Variants in ACSS3 observed in about 807,000 individuals in gnomAD.
ACSS3 encodes the protein acyl-CoA synthetase short chain family member 3, also known as acyl-CoA synthetase short-chain family member 3, mitochondrial.
Under a neutral mutation model 84.2 loss-of-function variants are expected in ACSS3, and 64 were observed. That is an observed-to-expected ratio of 0.76 (90% confidence interval 0.62 to 0.94). The LOEUF (loss-of-function observed/expected upper bound fraction) is 0.94, where lower values mean the gene tolerates loss of function less well. Among genes scored for constraint, ACSS3 ranks in the 40% least tolerant of loss-of-function variants. The probability of loss-of-function intolerance (pLI) is 0.00; values close to 1 mark genes in which losing one functional copy is unlikely to be tolerated. For synonymous variants in ACSS3, 317 were observed against 310.1 expected, an observed-to-expected ratio of 1.02 and a Z score of -0.23; for missense variants, 815 against 867.6, an observed-to-expected ratio of 0.94 and a Z score of 0.76.
chr12:81,221,969 C>G (rs1184208837), intron 11 of ACSS3, among the ~76,000 whole-genome samples: 3 of 152,026 alleles, frequency 2.0e-5, no homozygotes, highest in South Asian at 2.1e-4. Context: ...TTTTGTCACT[C>G]TAATTATGGG....
At chr12:81,128,620 G>C (rs1451754069) in intron 2 of ACSS3, among the ~76,000 whole-genome samples, 1 of 152,124 alleles carries the variant, frequency 6.6e-6, no homozygotes, top group Admixed American at 6.6e-5. Flanking sequence ...AATGTGAATT[G>C]GGTGAACGGC....
intron 11 of ACSS3, among the ~76,000 whole-genome samples, chr12:81,230,509 C>A (rs1273305646): frequency 6.6e-6 from 1 of 151,568 alleles, no homozygotes; most frequent in Non-Finnish European, 1.5e-5. Context: ...AGTGAGAAAT[C>A]GCATAAGTCT....
chr12:81,142,852 A>G (rs1886157751), intron 4 of ACSS3, among the ~76,000 whole-genome samples: 2 of 152,236 alleles, frequency 1.3e-5, no homozygotes, highest in South Asian at 4.1e-4. Flanking sequence ...CTGAATTTCT[A>G]AAGGATATCT....
chr12:81,102,043 A>ACG (rs916793595), intron 1 of ACSS3, among the ~76,000 whole-genome samples: 6 of 41,664 alleles, frequency 1.4e-4, no homozygotes, highest in South Asian at 1.5e-3. Flanking sequence ...TTTTATGCAC[A>ACG]CGCACACACA....
chr12:81,222,283 A>G (rs1306729420), intron 11 of ACSS3, among the ~76,000 whole-genome samples: 2 of 152,098 alleles, frequency 1.3e-5, no homozygotes, highest in Admixed American at 6.6e-5. Context: ...GAAACTAGAT[A>G]TTTGAATATA....
intron 9 of ACSS3, among the ~76,000 whole-genome samples, chr12:81,207,430 T>C (rs529809119): frequency 6.6e-6 from 1 of 152,256 alleles, no homozygotes; most frequent in African/African-American, 2.4e-5. Context: ...TACATCCCAA[T>C]TCAGCCACTT....
intron 7 of ACSS3, among the ~76,000 whole-genome samples, chr12:81,166,153 C>T (rs1046893902): frequency 3.3e-5 from 5 of 152,046 alleles, no homozygotes; most frequent in African/African-American, 1.2e-4. Flanking sequence ...TCCAATTGGA[C>T]TTGGATTGTT....
chr12:81,198,593 GAA>G (rs199979349), intron 8 of ACSS3, among the ~76,000 whole-genome samples: 8 of 134,836 alleles, frequency 5.9e-5, no homozygotes, highest in East Asian at 2.1e-4. Context: ...ATTTGAAAAT[GAA>G]AAAAAAAAAA....
At chr12:81,134,654 T>C (rs1885692188) in intron 2 of ACSS3, 162 bp from the exon 3 acceptor site, 1 of 492,994 alleles carries the variant, frequency 2.0e-6, no homozygotes, top group South Asian at 7.1e-5. Context: ...TTGTTATTAC[T>C]CTCACCATCT....
intron 7 of ACSS3, among the ~76,000 whole-genome samples, chr12:81,159,743 T>G (rs1887060119): frequency 1.3e-5 from 2 of 152,336 alleles, no homozygotes; most frequent in South Asian, 2.1e-4. Context: ...AGGAATGCAA[T>G]GTACAAACAA....
intron 11 of ACSS3, among the ~76,000 whole-genome samples, chr12:81,225,089 A>G (rs2135957623): frequency 6.6e-6 from 1 of 151,884 alleles, no homozygotes; most frequent in South Asian, 2.1e-4. Context: ...GTTCAGTACT[A>G]CCATGGTTTC....
chr12:81,193,196 T>A (rs751133288), intron 8 of ACSS3, among the ~76,000 whole-genome samples: 3 of 152,148 alleles, frequency 2.0e-5, no homozygotes, highest in Non-Finnish European at 4.4e-5. Flanking sequence ...CAAAAAATAA[T>A]GATAATCTGT....
intron 11 of ACSS3, among the ~76,000 whole-genome samples, chr12:81,224,466 C>A (rs2033204439): frequency 1.3e-5 from 2 of 151,662 alleles, no homozygotes; most frequent in Admixed American, 1.3e-4. Flanking sequence ...CTATCTGGAT[C>A]TTATTGCTTC....
intron 13 of ACSS3, among the ~76,000 whole-genome samples, chr12:81,244,639 C>T (rs1198336839): frequency 6.6e-6 from 1 of 152,048 alleles, no homozygotes; most frequent in Non-Finnish European, 1.5e-5. Flanking sequence ...CTTCTTTCAC[C>T]TACATCTAGT....
In ACSS3 at chr12:81,259,550, A is replaced by G. The variant is rs965665729; in HGVS notation, c.*4628A>G. ...CAAAAATCACATTTTTCAGCTTTTA[A>G]TAAGTCATGACGTCATTATTTCCTT... On this transcript the variant is annotated 3_prime_UTR_variant, in exon 16 of 16. Coordinates refer to ENST00000548058, the MANE Select transcript of ACSS3 (RefSeq NM_024560.4). The G allele has an allele frequency of 7.5e-7, 1 of 1,337,948 alleles. No homozygotes were observed. Among genetic ancestry groups the G allele is most frequent in the Admixed American group, 2.2e-5 (1 of 46,458 alleles). 82.9% of individuals were successfully genotyped at this position (1,337,948 alleles called of 1,614,324 possible).
chr12:81,104,195 G>T (rs767606225), intron 1 of ACSS3, among the ~76,000 whole-genome samples: 1 of 152,126 alleles, frequency 6.6e-6, no homozygotes, highest in Non-Finnish European at 1.5e-5. Context: ...TGAGTTCCCT[G>T]GGTTTTCTTT....
Position 81,151,901 on chromosome 12 carries a change from A to C in ACSS3, c.979A>C (p.Ile327Leu). 1 of 1,613,930 alleles carries C rather than the reference A, an allele frequency of 6.2e-7. No individual in the cohort carries two copies. The highest frequency in any genetic ancestry group is 8.5e-7 in the Non-Finnish European group (1 of 1,179,880). The change falls in exon 6 of 16, where the codon ATA (isoleucine) becomes CTA (leucine). Residue 327 changes from isoleucine (I) to leucine (L), a missense_variant. By Grantham distance (5) the Ile-to-Leu change is conservative. Coordinates refer to ENST00000548058, the MANE Select transcript of ACSS3 (RefSeq NM_024560.4). ...CATGCTACACTGGTCAATGTCTTCC[A>C]TATACGGACTTCAACCCGGAGAGGT... Reference protein sequence around the residue: ...AVMLHWSMSSIYGLQPGEVWW... With the variant: ...AVMLHWSMSSLYGLQPGEVWW...
chr12:81,143,439 T>C, intron 5 of ACSS3, 192 bp downstream of exon 5: 1 of 409,476 alleles, frequency 2.4e-6, no homozygotes, highest in East Asian at 3.7e-5. Flanking sequence ...AGTTACTCCA[T>C]ATCTTAAAGA....
At chr12:81,146,523 C>T (rs144173084) in intron 5 of ACSS3, among the ~76,000 whole-genome samples, 5 of 152,282 alleles carry the variant, frequency 3.3e-5, no homozygotes, top group African/African-American at 1.2e-4. Context: ...ATAAAACACA[C>T]ATAAGGCAGT....
Sources: gnomAD v4.1 joint callset for allele counts (sites outside exome capture counted in the v4.1 genomes callset) on GRCh38, gnomAD v4.1.1 for gene constraint, MANE v1.5 for transcripts, NCBI Gene and HGNC (gene_info 2026-07-23, HGNC 2026-07-21) for gene names.